The following MYLK variants were observed in gnomAD, a reference collection of about 807,000 sequenced individuals.
MYLK encodes the protein myosin light chain kinase, smooth muscle.
In MYLK, 106 loss-of-function variants were observed where a neutral mutation model predicts 203.4. The ratio of observed to expected loss-of-function variants is 0.52; its 90% CI spans 0.45 to 0.61. The LOEUF (loss-of-function observed/expected upper bound fraction) is 0.61, where lower values mean the gene tolerates loss of function less well. Ranked by LOEUF, MYLK falls within the 20% of genes least tolerant of loss-of-function variation. The pLI is 0.00. For synonymous variants in MYLK, 867 were observed against 959.5 expected (o/e 0.90, Z 1.78); for missense variants, 2,072 against 2,442.3 (o/e 0.85, Z 3.20).
Position 123,648,828 on chromosome 3 carries a change from AGTCCTTT to A in MYLK, c.4415+136_4415+142del. On this transcript the variant is annotated intron_variant, in intron 26 of 33. Coordinates refer to ENST00000360304, the MANE Select transcript of MYLK (RefSeq NM_053025.4). The surrounding 1 kb of genome is among the most constrained non-coding windows in gnomAD (Gnocchi z 4.5). ...TGAGTGAGTGATGCTTTCGTGGGTCAGTCCTTTGGATCCTGCAGGACTCTCAGTCTGG... is the reference window on the plus strand; with the variant it reads ...TGAGTGAGTGATGCTTTCGTGGGTCAGGATCCTGCAGGACTCTCAGTCTGG... The A allele has an allele frequency of 1.3e-6, 1 of 749,586 alleles. No homozygotes were observed. The highest frequency in any genetic ancestry group is 2.3e-6 in the Non-Finnish European group (1 of 426,096). 46.4% of individuals were successfully genotyped at this position (749,586 alleles called of 1,614,324 possible). A position where few individuals can be genotyped will look rare whatever the true frequency, so the allele number is the denominator to read the frequency against.
Position 123,708,846 on chromosome 3 carries a change from T to C in MYLK, c.1992A>G (p.Gln664=), listed in dbSNP as rs1428113866. ...GTTCAAAGTGGAAGTCCTCTGACTC[T>C]TGGATCTCATTCCCATTGTGCAGCC... The part of the protein sequence containing the change: ...VIWLHNGNEI[Q]ESEDFHFEQR... Residue 664 remains glutamine (Q), a synonymous_variant, in exon 15 of 34, where the codon CAA becomes CAG. Coordinates refer to ENST00000360304, the MANE Select transcript of MYLK (RefSeq NM_053025.4). 6.2e-7 allele frequency: 1 copy of C among 1,614,166 alleles called. No homozygotes were observed. Among genetic ancestry groups the C allele is most frequent in the Non-Finnish European group, 8.5e-7 (1 of 1,180,020 alleles).
intron 31 of MYLK, chr3:123,622,166 G>C (rs1027999376): frequency 6.6e-6 from 1 of 152,338 alleles, no homozygotes; most frequent in Non-Finnish European, 1.5e-5. Flanking sequence ...TAATCAACCC[G>C]ATTCTCAGAC....
intron 11 of MYLK, among the ~76,000 whole-genome samples, chr3:123,731,186 C>T (rs902901839): frequency 1.3e-5 from 2 of 152,170 alleles, no homozygotes; most frequent in African/African-American, 4.8e-5. Context: ...TGCCTACCAG[C>T]ACTCCCACCT....
chr3:123,815,929 G>A (rs916873957), intron 3 of MYLK, among the ~76,000 whole-genome samples: 4 of 152,208 alleles, frequency 2.6e-5, no homozygotes, highest in African/African-American at 9.7e-5. Context: ...TGGAGACATA[G>A]CAGTGAACAA....
chr3:123,825,230 T>C (rs531836820), intron 3 of MYLK, among the ~76,000 whole-genome samples: 1 of 151,962 alleles, frequency 6.6e-6, no homozygotes, highest in South Asian at 2.1e-4. Context: ...TGGAGGAAAC[T>C]ACAGGTTACT....
intron 10 of MYLK, 28 bp downstream of exon 10, chr3:123,733,659 A>G (rs1348490099): frequency 2.5e-6 from 4 of 1,612,586 alleles, no homozygotes; most frequent in South Asian, 1.1e-5. Flanking sequence ...CATTTTGGCA[A>G]TCGGTGACCC....
At chr3:123,747,656 T>C (rs952829763) in intron 5 of MYLK, among the ~76,000 whole-genome samples, 2 of 152,216 alleles carry the variant, frequency 1.3e-5, no homozygotes, top group South Asian at 2.1e-4. Flanking sequence ...TCCAGACCTA[T>C]GGAATCAGCA....
chr3:123,826,027 A>C (rs908799440), intron 3 of MYLK, among the ~76,000 whole-genome samples: 10 of 152,168 alleles, frequency 6.6e-5, no homozygotes, highest in Non-Finnish European at 1.2e-4. Context: ...CTTTGCAGGC[A>C]TGTCCCTGGC....
chr3:123,749,078 C>CATAT (rs1407002568), intron 5 of MYLK, among the ~76,000 whole-genome samples: 2 of 129,126 alleles, frequency 1.5e-5, no homozygotes, highest in Non-Finnish European at 3.1e-5. Context: ...CAGAAAAATA[C>CATAT]ATACATACAT....
chr3:123,727,739 G>A (rs1447820403), intron 11 of MYLK, among the ~76,000 whole-genome samples: 1 of 152,050 alleles, frequency 6.6e-6, no homozygotes, highest in African/African-American at 2.4e-5. Flanking sequence ...TTTCAGCATA[G>A]GGACAACTAC....
At chr3:123,881,777 C>T (rs139862314) in intron 1 of MYLK, among the ~76,000 whole-genome samples, 16 of 152,270 alleles carry the variant, frequency 1.1e-4, no homozygotes, top group East Asian at 3.9e-4. Flanking sequence ...GTGACCCCAG[C>T]GCATTCACAA....
chr3:123,638,804 G>A (rs1353408982), intron 28 of MYLK: 3 of 985,294 alleles, frequency 3.0e-6, no homozygotes, highest in Non-Finnish European at 3.6e-6. Context: ...TGGTAGGGTA[G>A]TCGGGAGAGG....
Position 123,657,412 on chromosome 3 carries a change from T to TG in MYLK, c.4001dup (p.Ala1335SerfsTer8), listed in dbSNP as rs1553785222. The TG allele has an allele frequency of 1.9e-6, 3 of 1,613,502 alleles. No individual in the cohort carries two copies. Among genetic ancestry groups the TG allele is most frequent in the Non-Finnish European group, 1.7e-6 (2 of 1,180,012 alleles). On this transcript the variant is annotated frameshift_variant, in exon 24 of 34. Coordinates refer to ENST00000360304, the MANE Select transcript of MYLK (RefSeq NM_053025.4). LOFTEE classifies it high-confidence loss of function. ...TGTCAGAGGCACAAGGTGTGCCAGC[T>TG]GGGGGGTCTGGCTTATCTGGGGATA... is the stretch of plus-strand genomic sequence containing the variant.
chr3:123,733,787 G>T lies in MYLK; in HGVS notation c.1209C>A (p.Ile403=), dbSNP rs1553822281. ...CTGAATCCCTCTGGCCCTCCATGGG[G>T]ATTCTCCTGTTAGCAGCCTTGCTCA... ...DVVSKAANRR[I]PMEGQRDSAF... is the part of the protein sequence containing the mutation. Residue 403 remains isoleucine (I), a synonymous_variant, in exon 10 of 34, where the codon ATC becomes ATA. Transcript: ENST00000360304. The T allele has an allele frequency of 6.2e-7, 1 of 1,614,222 alleles. No homozygotes were observed. Among genetic ancestry groups the T allele is most frequent in the Non-Finnish European group, 8.5e-7 (1 of 1,180,040 alleles).
rs776872121 is a variant in MYLK at position 123,795,359 on chromosome 3, CTA to C, written c.-3-1517_-3-1516del. 7.9e-5 allele frequency among the ~76,000 whole-genome samples: 12 copies of C among 152,308 alleles called. No individual in the cohort carries two copies. In the East Asian group the frequency reaches 2.1e-3, roughly 27 times the overall value. Reference sequence around the variant, plus strand: ...TCTTTTATGATGCCCGGTGATGAGTCTATGTGTACTGAAATCTATGCCCGAAT... The same window carrying C: ...TCTTTTATGATGCCCGGTGATGAGTCTGTGTACTGAAATCTATGCCCGAAT... On this transcript the variant is annotated intron_variant, in intron 3 of 33. Coordinates refer to ENST00000360304, the MANE Select transcript of MYLK (RefSeq NM_053025.4).
At chr3:123,794,992 G>A (rs2064933911) in intron 3 of MYLK, among the ~76,000 whole-genome samples, 3 of 152,162 alleles carry the variant, frequency 2.0e-5, no homozygotes, top group Admixed American at 2.0e-4. Context: ...CTATTGAGTG[G>A]CAGAAGTGGA....
intron 12 of MYLK, among the ~76,000 whole-genome samples, chr3:123,722,963 A>G (rs1308767734): frequency 6.6e-6 from 1 of 152,186 alleles, no homozygotes. Flanking sequence ...GGTAACATAA[A>G]GTCCTGCATG....
intron 20 of MYLK, among the ~76,000 whole-genome samples, chr3:123,672,207 G>GGAGAGA (rs3085308): frequency 1.0e-4 from 15 of 146,546 alleles, no homozygotes; most frequent in East Asian, 4.1e-4. Context: ...GGCAGGGGGA[G>GGAGAGA]GAGAGAGAGA....
chr3:123,696,949 G>C (rs1335136129), intron 18 of MYLK, among the ~76,000 whole-genome samples: 3 of 152,206 alleles, frequency 2.0e-5, no homozygotes, highest in East Asian at 3.9e-4. Flanking sequence ...CTGCTGCTGC[G>C]GGGCCCCCGC....
Sources: allele counts gnomAD v4.1 joint callset (sites outside exome capture counted in the v4.1 genomes callset), GRCh38; gene constraint gnomAD v4.1.1; non-coding constraint Gnocchi (gnomAD v3.1); transcripts MANE v1.5; gene names NCBI Gene and HGNC (gene_info 2026-07-23, HGNC 2026-07-21).